The following OSBPL10 variants were observed in gnomAD, a reference collection of about 807,000 sequenced individuals.
OSBPL10 encodes the protein oxysterol-binding protein-related protein 10.
A neutral mutation model predicts 81.7 loss-of-function variants in OSBPL10; 49 were observed. That is an observed-to-expected ratio of 0.60 (90% confidence interval 0.48 to 0.76). OSBPL10 has a LOEUF of 0.76. Ranked by LOEUF, OSBPL10 falls within the 30% of genes least tolerant of loss-of-function variation. OSBPL10 has a pLI of 0.00. For synonymous variants in OSBPL10, 419 were observed against 383.6 expected (o/e 1.09, Z -1.08); for missense variants, 923 against 987.8 (o/e 0.93, Z 0.88).
At chr3:31,668,551 G>C in intron 10 of OSBPL10, 91 bp downstream of exon 10, 1 of 1,229,324 alleles carries the variant, frequency 8.1e-7, no homozygotes, top group Non-Finnish European at 1.1e-6. Context: ...GTTTCCAGTC[G>C]CTAAGTTTCA....
chr3:31,677,848 G>T (rs528807997), intron 8 of OSBPL10, among the ~76,000 whole-genome samples: 2 of 149,806 alleles, frequency 1.3e-5, no homozygotes. Context: ...TTGGGAGGCC[G>T]AGGCGGGTGG....
chr3:31,983,946 T>A (rs1174152755), upstream of OSBPL10, among the ~76,000 whole-genome samples: 1 of 152,148 alleles, frequency 6.6e-6, no homozygotes. Context: ...GTTTAACAAT[T>A]GTAGGGCCAG....
At chr3:31,910,106 T>C (rs1696530584) in intron 1 of OSBPL10, among the ~76,000 whole-genome samples, 1 of 151,220 alleles carries the variant, frequency 6.6e-6, no homozygotes, top group African/African-American at 2.4e-5. Context: ...CTCAGCCTCC[T>C]GAGTATCTGG....
chr3:31,797,699 T>C (rs777900628), intron 4 of OSBPL10: 1 of 412,606 alleles, frequency 2.4e-6, no homozygotes, highest in South Asian at 1.7e-5. Flanking sequence ...AGTTTTTTTA[T>C]ATGTACCATG....
chr3:31,947,408 G>A (rs1697733428), intron 1 of OSBPL10, among the ~76,000 whole-genome samples: 1 of 152,178 alleles, frequency 6.6e-6, no homozygotes, highest in Non-Finnish European at 1.5e-5. Flanking sequence ...CTGAAAAATT[G>A]GAATGCTATC....
intron 4 of OSBPL10, among the ~76,000 whole-genome samples, chr3:31,775,822 G>C (rs1436835685): frequency 6.6e-6 from 1 of 152,140 alleles, no homozygotes; most frequent in Non-Finnish European, 1.5e-5. Context: ...GCGGGAGAGA[G>C]AATGCTGCCA....
rs2125679110 is a variant in OSBPL10 at position 31,902,454 on chromosome 3, G to A, written c.282-22624C>T. Among the ~76,000 whole-genome samples the A allele has an allele frequency of 2.6e-5, 4 of 151,930 alleles. No individual in the cohort carries two copies. The South Asian group carries it at 8.4e-4, about 32-fold the overall frequency. Reference sequence around the variant, plus strand: ...ATTTTTATATTTTTAGTAGAGACGGGGTTTCACCATGTTGTCCAGGCTGGT... The same window carrying A: ...ATTTTTATATTTTTAGTAGAGACGGAGTTTCACCATGTTGTCCAGGCTGGT... On this transcript the variant is annotated intron_variant, in intron 1 of 11. Transcript: ENST00000396556.
Position 31,683,715 on chromosome 3 carries a change from TCTC to T in OSBPL10, c.1642_1644del (p.Glu548del), listed in dbSNP as rs1700714878. The stretch of plus-strand genomic sequence containing the variant: ...ACATGAGTGTTGACGCACAGTCTCT[TCTC>T]CTCGCACTCACAGTAGAAGCAGGAG... On this transcript the variant is annotated inframe_deletion, in exon 8 of 12. Coordinates refer to ENST00000396556, the MANE Select transcript of OSBPL10 (RefSeq NM_017784.5). 3.1e-6 allele frequency: 5 copies of T among 1,614,156 alleles called. No homozygotes were observed. The highest frequency in any genetic ancestry group is 1.1e-5 in the South Asian group (1 of 91,082).
chr3:32,040,060 T>C lies in OSBPL10; in HGVS notation n.298+6431A>G, dbSNP rs372633829. On this transcript the variant is annotated intron_variant and non_coding_transcript_variant, in intron 2 of 3. Coordinates refer to the OSBPL10 transcript ENST00000479173. ...CAGTTCGTCAATAAGTAAAACCAAATTATAATATGACTCAACAACTCCACT... is the reference window on the plus strand; with the variant it reads ...CAGTTCGTCAATAAGTAAAACCAAACTATAATATGACTCAACAACTCCACT... Among the ~76,000 whole-genome samples, 7 of 152,116 alleles carry C rather than the reference T, an allele frequency of 4.6e-5. No individual in the cohort carries two copies. In the East Asian group the frequency reaches 7.7e-4, roughly 17 times the overall value.
intron 1 of OSBPL10, among the ~76,000 whole-genome samples, chr3:31,888,842 C>T (rs1204811505): frequency 6.6e-6 from 1 of 151,918 alleles, no homozygotes; most frequent in Non-Finnish European, 1.5e-5. Context: ...GAGAATCACT[C>T]GAACCTGAGA....
rs1392126924 is a variant in OSBPL10 at position 31,830,147 on chromosome 3, G to A, written c.622C>T (p.Leu208Phe). ...ACAACACCGGGGGCCCCCACACTGA[G>A]GTGTCTCTGGCTACAGGGAGACGCA... ...NSASPCSQRH[L>F]SVGAPGVVTI... Residue 208 changes from leucine (L) to phenylalanine (F), a missense_variant, in exon 4 of 12, where the codon CTC becomes TTC. Physicochemically the swap from Leu to Phe is conservative, Grantham distance 22. This residue lies in a region of OSBPL10 where 514 missense variants were observed against 508.0 expected (regional missense o/e 1.01). Transcript: ENST00000396556. 1 of 1,614,154 alleles carries A rather than the reference G, an allele frequency of 6.2e-7. No homozygotes were observed. The highest frequency in any genetic ancestry group is 1.7e-5 in the Admixed American group (1 of 60,022).
chr3:31,832,804 A>G (rs1700278370), intron 3 of OSBPL10, among the ~76,000 whole-genome samples: 1 of 152,208 alleles, frequency 6.6e-6, no homozygotes, highest in Non-Finnish European at 1.5e-5. Context: ...AAGGCAGCAC[A>G]CTACATAGCA....
At chr3:32,068,077 C>T (rs1274024696) in intron 1 of OSBPL10, among the ~76,000 whole-genome samples, 2 of 152,170 alleles carry the variant, frequency 1.3e-5, no homozygotes, top group Non-Finnish European at 2.9e-5. Context: ...ATCAGGTAAG[C>T]GGTCTTTTCA....
At chr3:31,686,206 T>C (rs1700789280) in intron 7 of OSBPL10, among the ~76,000 whole-genome samples, 1 of 152,240 alleles carries the variant, frequency 6.6e-6, no homozygotes, top group African/African-American at 2.4e-5. Flanking sequence ...GCCTGCAGAA[T>C]TGTGAGCTAA....
chr3:31,945,095 G>A (rs187641285), intron 1 of OSBPL10, among the ~76,000 whole-genome samples: 1 of 131,398 alleles, frequency 7.6e-6, no homozygotes, highest in Non-Finnish European at 1.5e-5. Flanking sequence ...AGGTTGCAGT[G>A]AACCAAGATT....
intron 4 of OSBPL10, among the ~76,000 whole-genome samples, chr3:31,749,782 T>C (rs773467966): frequency 2.0e-5 from 3 of 151,844 alleles, no homozygotes; most frequent in Non-Finnish European, 2.9e-5. Context: ...ACCACTGTGC[T>C]CCAGCCTGGG....
intron 3 of OSBPL10, among the ~76,000 whole-genome samples, chr3:31,863,907 A>G (rs146328981): frequency 6.6e-6 from 1 of 152,164 alleles, no homozygotes; most frequent in Non-Finnish European, 1.5e-5. Flanking sequence ...ACTACTACTA[A>G]TACTACTACT....
intron 3 of OSBPL10, among the ~76,000 whole-genome samples, chr3:31,845,326 G>A (rs1030617843): frequency 6.6e-6 from 1 of 151,900 alleles, no homozygotes; most frequent in African/African-American, 2.4e-5. Flanking sequence ...CGTGTAGGCA[G>A]AACTGTATAC....
intron 6 of OSBPL10, chr3:31,714,804 C>T (rs964696404): frequency 6.5e-6 from 1 of 152,926 alleles, no homozygotes; most frequent in Non-Finnish European, 1.5e-5. Flanking sequence ...AGGTTTTGAC[C>T]ACATAAATGT....
Sources: allele counts gnomAD v4.1 joint callset (sites outside exome capture counted in the v4.1 genomes callset), GRCh38; gene constraint gnomAD v4.1.1; regional missense constraint gnomAD v4.1.1; transcripts MANE v1.5; gene names NCBI Gene and HGNC (gene_info 2026-07-23, HGNC 2026-07-21).